SPAG17: variants seen among roughly 807,000 people sequenced by gnomAD.
SPAG17 encodes the protein sperm associated antigen 17.
SPAG17 carries 169 observed loss-of-function variants against 273.6 expected under a neutral mutation model. That is an observed-to-expected ratio of 0.62 (90% CI 0.55 to 0.70). SPAG17 has a LOEUF of 0.70. Among genes scored for constraint, SPAG17 ranks in the 30% least tolerant of loss-of-function variants. The pLI is 0.00. For synonymous variants in SPAG17, 825 were observed against 873.2 expected, an observed-to-expected ratio of 0.94 and a Z score of 0.97; for missense variants, 2,557 against 2,627.8, an observed-to-expected ratio of 0.97 and a Z score of 0.59.
At chr1:117,964,015 C>A in intron 47 of SPAG17, 77 bp from the exon 48 acceptor site, 1 of 1,483,122 alleles carries the variant, frequency 6.7e-7, no homozygotes, top group Non-Finnish European at 9.1e-7. Context: ...ATTTTAGAAT[C>A]ATAGAATTTC....
chr1:118,075,926 T>C (rs543782270), intron 15 of SPAG17, among the ~76,000 whole-genome samples: 1 of 152,298 alleles, frequency 6.6e-6, no homozygotes, highest in East Asian at 1.9e-4. Flanking sequence ...TGTTTGTTTT[T>C]TTTATCATAG....
intron 28 of SPAG17, among the ~76,000 whole-genome samples, chr1:118,020,838 T>C (rs1430620087): frequency 1.3e-5 from 2 of 152,122 alleles, no homozygotes; most frequent in African/African-American, 2.4e-5. Flanking sequence ...GCTAATAGAA[T>C]CAAAAGAATA....
intron 17 of SPAG17, among the ~76,000 whole-genome samples, chr1:118,067,862 G>C (rs1653136972): frequency 6.6e-6 from 1 of 152,084 alleles, no homozygotes; most frequent in East Asian, 1.9e-4. Flanking sequence ...TAGATGAAGT[G>C]AAGTGAGTGG....
At chr1:118,032,139 T>G (rs1407606536) in intron 24 of SPAG17, among the ~76,000 whole-genome samples, 3 of 152,224 alleles carry the variant, frequency 2.0e-5, no homozygotes, top group African/African-American at 7.2e-5. Flanking sequence ...TGTAAACTCC[T>G]TAATGATAGG....
At chr1:118,067,979 T>C (rs1015493403) in intron 17 of SPAG17, among the ~76,000 whole-genome samples, 2 of 152,040 alleles carry the variant, frequency 1.3e-5, no homozygotes, top group Non-Finnish European at 2.9e-5. Flanking sequence ...AGAGACACAG[T>C]GGGCAGCTGC....
At chr1:118,001,069 A>G (rs888635910) in intron 32 of SPAG17, among the ~76,000 whole-genome samples, 3 of 152,134 alleles carry the variant, frequency 2.0e-5, no homozygotes, top group Admixed American at 2.0e-4. Context: ...TTCCGCATCT[A>G]TTGAGATAAT....
chr1:117,965,988 A>T (rs1379990428), intron 47 of SPAG17: 1 of 152,212 alleles, frequency 6.6e-6, no homozygotes, highest in East Asian at 1.9e-4. Context: ...ATTCTATAAG[A>T]TCCAGCTCAA....
chr1:118,021,778 AAGC>A (rs1660521794), intron 28 of SPAG17, among the ~76,000 whole-genome samples: 1 of 152,148 alleles, frequency 6.6e-6, no homozygotes, highest in African/African-American at 2.4e-5. Flanking sequence ...ACTGTGCTAG[AAGC>A]AGAAGTCCTC....
chr1:118,077,832 G>A (rs533675305), intron 15 of SPAG17, among the ~76,000 whole-genome samples: 23 of 152,142 alleles, frequency 1.5e-4, no homozygotes, highest in Non-Finnish European at 2.6e-4. Flanking sequence ...CTAGGAGCAT[G>A]GCTAAATCAT....
In SPAG17 at chr1:118,121,144, G is replaced by T. The variant is rs377277058; in HGVS notation, c.316-5703C>A. On this transcript the variant is annotated intron_variant, in intron 3 of 48. Transcript: ENST00000336338. ...ACATTCTAGGACTAGCTTATTCAGG[G>T]GAAAGGCTCTGAAGGGAAAATGGAA... Among the ~76,000 whole-genome samples, 8 of 152,170 alleles carry T rather than the reference G, an allele frequency of 5.3e-5. No individual in the cohort carries two copies. The East Asian group carries it at 1.6e-3, about 30-fold the overall frequency.
chr1:118,014,842 C>A (rs1659810770), intron 29 of SPAG17, among the ~76,000 whole-genome samples: 2 of 152,172 alleles, frequency 1.3e-5, no homozygotes, highest in African/African-American at 4.8e-5. Context: ...TCACAAACAA[C>A]TGGCTCTAAT....
chr1:118,128,894 C>A (rs1464845695), intron 3 of SPAG17, among the ~76,000 whole-genome samples: 1 of 152,166 alleles, frequency 6.6e-6, no homozygotes, highest in East Asian at 1.9e-4. Flanking sequence ...CATGGGTGGG[C>A]CCCTTCACAC....
At chr1:117,967,180 G>GAGGC (rs1653960781) in intron 46 of SPAG17, among the ~76,000 whole-genome samples, 1 of 151,724 alleles carries the variant, frequency 6.6e-6, no homozygotes, top group South Asian at 2.1e-4. Flanking sequence ...TCAGGAGGCT[G>GAGGC]AGGCAGGAGA....
intron 22 of SPAG17, among the ~76,000 whole-genome samples, chr1:118,040,312 G>C (rs1458393028): frequency 6.6e-6 from 1 of 152,090 alleles, no homozygotes; most frequent in African/African-American, 2.4e-5. Flanking sequence ...ACAATAGGTG[G>C]ATATTGGAAG....
chr1:118,169,150 T>G (rs1388648855), intron 1 of SPAG17, among the ~76,000 whole-genome samples: 1 of 152,206 alleles, frequency 6.6e-6, no homozygotes, highest in African/African-American at 2.4e-5. Flanking sequence ...TATTTTTCAC[T>G]TGCAATACAA....
intron 48 of SPAG17, among the ~76,000 whole-genome samples, chr1:117,958,264 G>T (rs767297313): frequency 1.4e-4 from 21 of 152,162 alleles, no homozygotes; most frequent in East Asian, 1.9e-4. Context: ...AAGAGAAGAA[G>T]AATAATATGT....
chr1:118,104,089 C>G (rs1185872298), intron 4 of SPAG17, among the ~76,000 whole-genome samples: 1 of 151,960 alleles, frequency 6.6e-6, no homozygotes, highest in African/African-American at 2.4e-5. Flanking sequence ...TAGAGGAGCT[C>G]TATGATTTTG....
At chr1:118,003,008 T>A (rs963761702) in intron 32 of SPAG17, among the ~76,000 whole-genome samples, 2 of 152,228 alleles carry the variant, frequency 1.3e-5, no homozygotes, top group Non-Finnish European at 2.9e-5. Flanking sequence ...GGTGCTCTTG[T>A]AAGGCAGGCC....
intron 30 of SPAG17, among the ~76,000 whole-genome samples, chr1:118,010,192 T>C (rs201245821): frequency 6.6e-6 from 1 of 152,178 alleles, no homozygotes; most frequent in African/African-American, 2.4e-5. Context: ...AAATAACATA[T>C]TGTATTTTGA....
Sources: gnomAD v4.1 joint callset for allele counts (sites outside exome capture counted in the v4.1 genomes callset) on GRCh38, gnomAD v4.1.1 for gene constraint, MANE v1.5 for transcripts, NCBI Gene and HGNC (gene_info 2026-07-23, HGNC 2026-07-21) for gene names.